The following RETREG3 variants were observed in gnomAD, a reference collection of about 807,000 sequenced individuals.
RETREG3 encodes reticulophagy regulator 3.
A neutral mutation model predicts 50.2 loss-of-function variants in RETREG3; 23 were observed. The ratio of observed to expected loss-of-function variants is 0.46; its 90% CI spans 0.33 to 0.65. The LOEUF (loss-of-function observed/expected upper bound fraction) is 0.65, where lower values mean the gene tolerates loss of function less well. Ranked by LOEUF, RETREG3 falls within the 30% of genes least tolerant of loss-of-function variation. RETREG3 has a pLI of 0.02. For missense variants in RETREG3, 546 were observed against 598.0 expected (o/e 0.91, Z 0.91); for synonymous variants, 240 against 234.4 (o/e 1.02, Z -0.22).
At chr17:42,608,664 G>A (rs1330604356) in intron 1 of RETREG3, 1 of 165,870 alleles carries the variant, frequency 6.0e-6, no homozygotes, top group African/African-American at 2.4e-5. Flanking sequence ...GGATACCTTT[G>A]CAAGACTTCA....
At position 42,609,304 on chromosome 17, in the gene RETREG3, A is replaced by G; in HGVS notation, c.21T>C (p.Val7=). Residue 7 remains valine, a synonymous_variant, in exon 1 of 9, where the codon GTT becomes GTC. Transcript: ENST00000309428. MAEAEG[V]PTTPGPASGS... is the part of the protein sequence containing the mutation. ...CCGAAGCCGGGCCTGGGGTCGTGGGAACCCCTTCGGCCTCAGCCATCTCCC... is the reference window on the plus strand; with the variant it reads ...CCGAAGCCGGGCCTGGGGTCGTGGGGACCCCTTCGGCCTCAGCCATCTCCC... 1 of 1,601,354 alleles carries G rather than the reference A, an allele frequency of 6.2e-7. No individual in the cohort carries two copies. Among genetic ancestry groups the G allele is most frequent in the Non-Finnish European group, 8.5e-7 (1 of 1,179,570 alleles).
intron 1 of RETREG3, among the ~76,000 whole-genome samples, chr17:42,597,608 TATATATATATA>T (rs1370113208): frequency 1.9e-3 from 48 of 25,304 alleles, no homozygotes; most frequent in African/African-American, 3.5e-3. Flanking sequence ...TATATATATA[TATATATATATA>T]TTTTTTTTTT....
At position 42,597,444 on chromosome 17, in the gene RETREG3, C is replaced by T. The variant is rs62078365; in HGVS notation, c.240-5282G>A. Reference sequence around the variant, plus strand: ...CCTTGTGATCCACCCACCTCGGCATCCCAAAGTGCTGGGATTACAGGAATG... The same window carrying T: ...CCTTGTGATCCACCCACCTCGGCATTCCAAAGTGCTGGGATTACAGGAATG... On this transcript the variant is annotated intron_variant, in intron 1 of 8. Coordinates refer to ENST00000309428, the MANE Select transcript of RETREG3 (RefSeq NM_178126.4). 7.1e-3 allele frequency among the ~76,000 whole-genome samples: 1,059 copies of T among 148,968 alleles called. 4 individuals carry two copies. The highest frequency in any genetic ancestry group is 0.01 in the Non-Finnish European group (680 of 67,504).
chr17:42,601,821 T>C (rs1362493875), intron 1 of RETREG3, among the ~76,000 whole-genome samples: 1 of 151,210 alleles, frequency 6.6e-6, no homozygotes, highest in Non-Finnish European at 1.5e-5. Flanking sequence ...TTAGTAGAGA[T>C]GGGGTTTCTC....
chr17:42,598,261 G>A (rs1170951315), intron 1 of RETREG3, among the ~76,000 whole-genome samples: 2 of 151,354 alleles, frequency 1.3e-5, no homozygotes, highest in African/African-American at 2.4e-5. Context: ...GATTACAGAC[G>A]TGAGCCACCG....
In RETREG3 at chr17:42,599,822, G is replaced by A. The variant is rs186638723; in HGVS notation, c.240-7660C>T. Among the ~76,000 whole-genome samples the A allele has an allele frequency of 8.2e-4, 124 of 151,854 alleles. 1 individual carries two copies. In the East Asian group the frequency reaches 0.018, roughly 23 times the overall value. ...AGCCTGGCCAACATGGCGAAACCCC[G>A]TCTCTACTAAAAATACAAAAAATTA... is the stretch of plus-strand genomic sequence containing the variant. On this transcript the variant is annotated intron_variant, in intron 1 of 8. Transcript: ENST00000309428.
chr17:42,598,709 C>T (rs945865367), intron 1 of RETREG3: 2 of 152,098 alleles, frequency 1.3e-5, no homozygotes, highest in African/African-American at 4.8e-5. Context: ...TTACCTGTCA[C>T]GTTATATCGT....
intron 2 of RETREG3, 103 bp downstream of exon 2, chr17:42,591,953 T>A: frequency 1.0e-6 from 1 of 955,182 alleles, no homozygotes; most frequent in Non-Finnish European, 1.6e-6. Context: ...CAAAAGACAG[T>A]CCCCAGCTCC....
At chr17:42,605,679 A>G (rs545548720) in intron 1 of RETREG3, among the ~76,000 whole-genome samples, 113 of 152,160 alleles carry the variant, frequency 7.4e-4, no homozygotes, top group African/African-American at 2.6e-3. Context: ...GGCATACCCA[A>G]CTGTTCTTTT....
chr17:42,597,492 C>A, intron 1 of RETREG3, among the ~76,000 whole-genome samples: 1 of 98,610 alleles, frequency 1.0e-5, no homozygotes, highest in Non-Finnish European at 1.9e-5. Flanking sequence ...CAGCCAGAAT[C>A]TATTTTGTGT....
intron 1 of RETREG3, among the ~76,000 whole-genome samples, chr17:42,594,963 CTTTT>C (rs777063995): frequency 8.8e-5 from 11 of 125,278 alleles, no homozygotes; most frequent in Admixed American, 1.6e-4. Context: ...TTTTTTTTTA[CTTTT>C]TTTTTTTTTT....
In RETREG3 at chr17:42,580,935, G is replaced by C. The variant is rs1489716059; in HGVS notation, c.*878C>G. ...CATGCCTGTAATCTCAGCTACTGAG[G>C]AGGCTGAGGTAGGAGAATCGCTTGA... On this transcript the variant is annotated 3_prime_UTR_variant, in exon 9 of 9. Coordinates refer to ENST00000309428, the MANE Select transcript of RETREG3 (RefSeq NM_178126.4). 1 of 150,592 alleles carries C rather than the reference G, an allele frequency of 6.6e-6. No homozygotes were observed. The highest frequency in any genetic ancestry group is 2.4e-5 in the African/African-American group (1 of 40,856). The allele number at this position is 150,592 out of a possible 1,614,324, so 9.3% of individuals were successfully genotyped here. A position where few individuals can be genotyped will look rare whatever the true frequency, so the allele number is the denominator to read the frequency against.
At chr17:42,597,609 ATATATATATATTTTTTTTT>A (rs2093149428) in intron 1 of RETREG3, among the ~76,000 whole-genome samples, 5 of 16,414 alleles carry the variant, frequency 3.0e-4, no homozygotes, top group East Asian at 3.3e-3. Context: ...ATATATATAT[ATATATATATATTTTTTTTT>A]TTTTTTTTTT....
intron 1 of RETREG3, among the ~76,000 whole-genome samples, chr17:42,602,221 G>T (rs1190930957): frequency 6.6e-6 from 1 of 151,912 alleles, no homozygotes; most frequent in East Asian, 1.9e-4. Context: ...GGAGGCTGAG[G>T]CAGGAGAACT....
chr17:42,582,069 A>C lies in RETREG3; in HGVS notation c.1145T>G (p.Leu382Arg), dbSNP rs1178633632. 2 of 1,613,900 alleles carry C rather than the reference A, an allele frequency of 1.2e-6. No homozygotes were observed. The highest frequency in any genetic ancestry group is 2.7e-5 in the African/African-American group (2 of 74,890). ...TCCTACAGGAAGAGCACCAAGCAGG[A>C]GCTCCGGCAGCGCAGCCTCGTCCCG... ...ASRDEAALPE[L>R]LLGALPVGSN... Residue 382 changes from leucine (L) to arginine (R), a missense_variant, in exon 9 of 9, where the codon CTC becomes CGC. Coordinates refer to ENST00000309428, the MANE Select transcript of RETREG3 (RefSeq NM_178126.4).
At position 42,592,753 on chromosome 17, in the gene RETREG3, G is replaced by A. The variant is rs369958995; in HGVS notation, c.240-591C>T. Among the ~76,000 whole-genome samples, 660 of 152,132 alleles carry A rather than the reference G, an allele frequency of 4.3e-3. 7 individuals carry two copies. Among genetic ancestry groups the A allele is most frequent in the African/African-American group, 0.014 (583 of 41,478 alleles). ...GATCACCTGAGGTCGGGAGTTTGAG[G>A]CCAGCCTGGCCAACATGGTGAAACT... On this transcript the variant is annotated intron_variant, in intron 1 of 8. Transcript: ENST00000309428.
intron 6 of RETREG3, among the ~76,000 whole-genome samples, chr17:42,584,321 A>T (rs1317510872): frequency 6.6e-6 from 1 of 152,230 alleles, no homozygotes; most frequent in Non-Finnish European, 1.5e-5. Flanking sequence ...GACCAAGTGC[A>T]GGGCTCTTTG....
chr17:42,595,892 C>G (rs1470052191), intron 1 of RETREG3, among the ~76,000 whole-genome samples: 1 of 149,378 alleles, frequency 6.7e-6, no homozygotes, highest in Non-Finnish European at 1.5e-5. Flanking sequence ...CAGGGCAAGG[C>G]CCTGTCTAAG....
chr17:42,605,831 A>G (rs1383227337), intron 1 of RETREG3, among the ~76,000 whole-genome samples: 1 of 151,914 alleles, frequency 6.6e-6, no homozygotes, highest in Non-Finnish European at 1.5e-5. Context: ...TGCCCTACAA[A>G]AATACAAAAA....
Sources: allele counts gnomAD v4.1 joint callset (sites outside exome capture counted in the v4.1 genomes callset), GRCh38; gene constraint gnomAD v4.1.1; transcripts MANE v1.5; gene names NCBI Gene and HGNC (gene_info 2026-07-23, HGNC 2026-07-21).